EIF3E: variants seen among roughly 807,000 people sequenced by gnomAD.
EIF3E encodes the protein eukaryotic translation initiation factor 3 subunit E.
In EIF3E, 25 loss-of-function variants were observed where a neutral mutation model predicts 59.3. That is an observed-to-expected ratio of 0.42 (90% CI 0.31 to 0.59). The LOEUF (loss-of-function observed/expected upper bound fraction) is 0.59. Among genes scored for constraint, EIF3E ranks in the 20% least tolerant of loss-of-function variants. The probability of loss-of-function intolerance (pLI) is 0.15; values close to 1 mark genes in which losing one functional copy is unlikely to be tolerated. For synonymous variants in EIF3E, 176 were observed against 170.2 expected (o/e 1.03, Z -0.26); for missense variants, 317 against 534.3 (o/e 0.59, Z 4.01).
chr8:108,211,312 C>T (rs965491580), intron 10 of EIF3E, among the ~76,000 whole-genome samples: 15 of 152,124 alleles, frequency 9.9e-5, no homozygotes, highest in South Asian at 4.1e-4. Flanking sequence ...GATGGTATCT[C>T]ATTGTGGTTT....
At chr8:108,218,940 C>T (rs1049293573) in intron 7 of EIF3E, among the ~76,000 whole-genome samples, 2 of 151,946 alleles carry the variant, frequency 1.3e-5, no homozygotes, top group African/African-American at 4.8e-5. Flanking sequence ...CACACCACCA[C>T]ACCTGGCTAA....
At chr8:108,220,631 A>G (rs551593565) in intron 7 of EIF3E, among the ~76,000 whole-genome samples, 28 of 152,238 alleles carry the variant, frequency 1.8e-4, no homozygotes, top group Non-Finnish European at 3.8e-4. Flanking sequence ...AGTCTGCTGC[A>G]AAAGTTAACT....
chr8:108,224,918 TTC>T (rs1268483478), intron 7 of EIF3E, among the ~76,000 whole-genome samples: 1 of 151,574 alleles, frequency 6.6e-6, no homozygotes, highest in Non-Finnish European at 1.5e-5. Flanking sequence ...CACAAAAAGT[TTC>T]AACTATGTCC....
At chr8:108,245,123 C>G (rs983189190) in intron 1 of EIF3E, among the ~76,000 whole-genome samples, 8 of 150,658 alleles carry the variant, frequency 5.3e-5, no homozygotes, top group African/African-American at 2.0e-4. Flanking sequence ...CCCTCACTGC[C>G]CCCCCCTCCC....
rs766722060 is a variant in EIF3E at position 108,203,534 on chromosome 8, T to G, written c.1062-31A>C. On this transcript the variant is annotated intron_variant, in intron 10 of 12. Transcript: ENST00000220849. ...GAAAAAGTAAAAACAGCAATGTTAA[T>G]TAACTGGGCCTAAAAACTTAGTTTT... 14 of 1,587,938 alleles carry G rather than the reference T, an allele frequency of 8.8e-6. No homozygotes were observed. In the African/African-American group the frequency reaches 1.7e-4, roughly 20 times the overall value.
chr8:108,232,091 T>C (rs2129903378), intron 5 of EIF3E, among the ~76,000 whole-genome samples: 1 of 152,284 alleles, frequency 6.6e-6, no homozygotes, highest in East Asian at 1.9e-4. Context: ...AACACTGACA[T>C]TTCTCATCCC....
At chr8:108,243,435 C>T (rs1306111977) in intron 1 of EIF3E, 1 of 151,898 alleles carries the variant, frequency 6.6e-6, no homozygotes, top group Non-Finnish European at 1.5e-5. Context: ...CGAGACCATC[C>T]TGGCTAACAC....
intron 10 of EIF3E, among the ~76,000 whole-genome samples, chr8:108,204,006 C>T (rs1280469364): frequency 6.6e-6 from 1 of 151,952 alleles, no homozygotes; most frequent in Admixed American, 6.6e-5. Context: ...ATTTACATAG[C>T]ATTTACATTT....
chr8:108,244,766 T>C (rs1377140498), intron 1 of EIF3E, among the ~76,000 whole-genome samples: 1 of 152,078 alleles, frequency 6.6e-6, no homozygotes, highest in Non-Finnish European at 1.5e-5. Flanking sequence ...CAAACTAATT[T>C]CTCCAACTAT....
chr8:108,210,092 C>T (rs891567637), intron 10 of EIF3E, among the ~76,000 whole-genome samples: 2 of 150,284 alleles, frequency 1.3e-5, no homozygotes, highest in African/African-American at 4.9e-5. Flanking sequence ...CTTAGAGGAC[C>T]TTTTTTTAAA....
rs1039622653 is a variant in EIF3E, at chr8:108,202,018, C to T, written c.1300-95G>A. 2.6e-5 allele frequency: 30 copies of T among 1,168,170 alleles called. 1 individual carries two copies. The highest frequency in any genetic ancestry group is 3.5e-5 in the Non-Finnish European group (30 of 851,022). The allele number at this position is 1,168,170 out of a possible 1,614,324, so 72.4% of individuals were successfully genotyped here. A position where few individuals can be genotyped will look rare whatever the true frequency, so the allele number is the denominator to read the frequency against. On this transcript the variant is annotated intron_variant, in intron 12 of 12. Transcript: ENST00000220849. ...AAGTAACACAGCATTTACTTCAGCA[C>T]TATAGTCTCTTGCCAAACCATTCTA...
chr8:108,205,002 A>ATTT, intron 10 of EIF3E, among the ~76,000 whole-genome samples: 1 of 152,270 alleles, frequency 6.6e-6, no homozygotes, highest in South Asian at 2.1e-4. Context: ...AGTTCCGCTG[A>ATTT]TGGAAGAGTA....
In EIF3E at chr8:108,229,261, T is replaced by C. The variant is rs1815577499; in HGVS notation, c.472-66A>G. On this transcript the variant is annotated intron_variant, in intron 5 of 12. Transcript: ENST00000220849. ...TGAAAAATGAACATAATGTATGTTT[T>C]ATACCCATGTATCCCTCTAGCCTAC... is the stretch of plus-strand genomic sequence containing the variant. The C allele has an allele frequency of 2.0e-6, 3 of 1,505,860 alleles. No individual in the cohort carries two copies. The South Asian group carries it at 3.6e-5, about 18-fold the overall frequency. The allele number at this position is 1,505,860 out of a possible 1,614,324, so 93.3% of individuals were successfully genotyped here.
chr8:108,209,513 T>TA (rs1815167604), intron 10 of EIF3E, among the ~76,000 whole-genome samples: 1 of 152,104 alleles, frequency 6.6e-6, no homozygotes, highest in South Asian at 2.1e-4. Context: ...TGTAACTTTA[T>TA]ATTTATTTGT....
At chr8:108,211,006 T>C (rs2129853936) in intron 10 of EIF3E, among the ~76,000 whole-genome samples, 1 of 152,320 alleles carries the variant, frequency 6.6e-6, no homozygotes, top group African/African-American at 2.4e-5. Context: ...TTGATGAACA[T>C]TTGGGTCGGT....
chr8:108,237,460 C>T (rs540449981), intron 3 of EIF3E, among the ~76,000 whole-genome samples: 5 of 152,256 alleles, frequency 3.3e-5, no homozygotes, highest in South Asian at 4.2e-4. Context: ...CCACGCTGGC[C>T]GGGCTGGTCT....
chr8:108,242,516 G>T, intron 1 of EIF3E: 2 of 1,173,906 alleles, frequency 1.7e-6, no homozygotes, highest in Non-Finnish European at 2.1e-6. Flanking sequence ...AAATATTCAC[G>T]GACAGAAATG....
In EIF3E at chr8:108,203,058, G is replaced by C. The variant is rs1163625896; in HGVS notation, c.1224C>G (p.Thr408=). The C allele has an allele frequency of 1.2e-6, 2 of 1,612,644 alleles. No homozygotes were observed. The highest frequency in any genetic ancestry group is 2.7e-5 in the African/African-American group (2 of 74,808). ...VSPYQQVIEK[T]KSLSFRSQML... The stretch of plus-strand genomic sequence containing the variant: ...TCTGGCTTCTAAAGGAAAGGCTTTT[G>C]GTCTTTTCAATCACTTGCTGATAGG... Residue 408 remains threonine, a synonymous_variant, in exon 12 of 13, where the codon ACC becomes ACG. Transcript: ENST00000220849.
At chr8:108,223,486 T>C (rs1330814226) in intron 7 of EIF3E, among the ~76,000 whole-genome samples, 2 of 152,212 alleles carry the variant, frequency 1.3e-5, no homozygotes, top group Non-Finnish European at 2.9e-5. Flanking sequence ...GTACAAATTC[T>C]GGACATCACA....
Sources: allele counts gnomAD v4.1 joint callset (sites outside exome capture counted in the v4.1 genomes callset), GRCh38; gene constraint gnomAD v4.1.1; transcripts MANE v1.5; gene names NCBI Gene and HGNC (gene_info 2026-07-23, HGNC 2026-07-21).